Variants in PRKDC observed in about 807,000 individuals in gnomAD.
The protein encoded by PRKDC is protein kinase, DNA-activated, catalytic subunit, also known as DNA-dependent protein kinase catalytic subunit.
PRKDC carries 82 observed loss-of-function variants against 486.9 expected under a neutral mutation model. The ratio of observed to expected loss-of-function variants is 0.17; its 90% CI spans 0.14 to 0.20. The LOEUF is 0.20. Ranked by LOEUF, PRKDC falls within the 10% of genes least tolerant of loss-of-function variation. The pLI, the probability that PRKDC is intolerant of heterozygous loss-of-function variation, is 1.00. For missense variants in PRKDC, 4,504 were observed against 5,038.2 expected (o/e 0.89, Z 3.21); for synonymous variants, 1,895 against 1,837.0 (o/e 1.03, Z -0.81).
At chr8:47,898,670 G>A (rs1432350458) in intron 28 of PRKDC, 101 bp from the exon 29 acceptor site, 19 of 677,126 alleles carry the variant, frequency 2.8e-5, no homozygotes, top group Non-Finnish European at 3.5e-5. Context: ...TAACTGAAAA[G>A]GTAATTTTAC....
rs1240315959 is a variant in PRKDC, at chr8:47,862,368, C to T, written c.5919+5G>A. 3.7e-6 allele frequency: 6 copies of T among 1,612,770 alleles called. No homozygotes were observed. The highest frequency in any genetic ancestry group is 4.2e-6 in the Non-Finnish European group (5 of 1,178,874). ...ACAATAGTGCACACCGTAGGAGTGG[C>T]CTACCTTTTCTGGTTTTTCACTAAA... On this transcript the variant is annotated splice_donor_5th_base_variant and intron_variant, in intron 43 of 85. Transcript: ENST00000314191.
chr8:47,881,873 G>A (rs1293742351), intron 37 of PRKDC, 39 bp downstream of exon 37: 4 of 1,529,822 alleles, frequency 2.6e-6, no homozygotes, highest in African/African-American at 2.7e-5. Flanking sequence ...ACAGAGTTCA[G>A]AAGAATAAAC....
intron 68 of PRKDC, among the ~76,000 whole-genome samples, chr8:47,812,740 C>G (rs546855527): frequency 6.6e-6 from 1 of 152,000 alleles, no homozygotes; most frequent in Admixed American, 6.5e-5. Context: ...AAAGACGATA[C>G]TAGAAATCAA....
intron 45 of PRKDC, among the ~76,000 whole-genome samples, chr8:47,860,612 C>T (rs184958770): frequency 5.1e-4 from 78 of 152,314 alleles, no homozygotes; most frequent in Non-Finnish European, 2.2e-4. Flanking sequence ...AACAATAAGA[C>T]ACCAAGCTAA....
At chr8:47,893,473 G>A in intron 30 of PRKDC, 86 bp from the exon 31 acceptor site, 1 of 1,310,644 alleles carries the variant, frequency 7.6e-7, no homozygotes, top group Non-Finnish European at 1.0e-6. Context: ...AAAATGTTAT[G>A]GGACAATCTT....
chr8:47,844,669 T>C (rs1441523547), intron 54 of PRKDC, among the ~76,000 whole-genome samples: 1 of 151,458 alleles, frequency 6.6e-6, no homozygotes, highest in East Asian at 1.9e-4. Context: ...TAAAAAAAAA[T>C]TCAAAATCAT....
chr8:47,870,384 C>A (rs576710634), intron 40 of PRKDC, among the ~76,000 whole-genome samples: 55 of 152,290 alleles, frequency 3.6e-4, no homozygotes, highest in Non-Finnish European at 7.2e-4. Flanking sequence ...GTAAAGGAAA[C>A]AAGAGTCTCT....
At position 47,817,434 on chromosome 8, in the gene PRKDC, A is replaced by G; in HGVS notation, c.9557+16T>C. 6.6e-7 allele frequency: 1 copy of G among 1,507,656 alleles called. No homozygotes were observed. Among genetic ancestry groups the G allele is most frequent in the Non-Finnish European group, 9.1e-7 (1 of 1,098,536 alleles). 93.4% of individuals were successfully genotyped at this position (1,507,656 alleles called of 1,614,324 possible). ...AAAAAACAATCCACATTTGACTGAAAGGGACCACGTCTTACCGATTTGTGA... is the reference window on the plus strand; with the variant it reads ...AAAAAACAATCCACATTTGACTGAAGGGGACCACGTCTTACCGATTTGTGA... On this transcript the variant is annotated intron_variant, in intron 68 of 85. Transcript: ENST00000314191.
chr8:47,912,680 T>C, intron 24 of PRKDC, 118 bp from the exon 25 acceptor site: 1 of 874,250 alleles, frequency 1.1e-6, no homozygotes, highest in Non-Finnish European at 1.6e-6. Flanking sequence ...ATAACTATCA[T>C]GTAACCCAAA....
intron 28 of PRKDC, among the ~76,000 whole-genome samples, chr8:47,899,680 C>T (rs757393704): frequency 2.0e-5 from 3 of 152,010 alleles, no homozygotes; most frequent in Non-Finnish European, 4.4e-5. Context: ...AGTCAAGACC[C>T]GTATCAGTGA....
At position 47,828,158 on chromosome 8, in the gene PRKDC, CA is replaced by C. The variant is rs759527181; in HGVS notation, c.8577+9del. 1.4e-5 allele frequency: 23 copies of C among 1,609,056 alleles called. No individual in the cohort carries two copies. In the Admixed American group the frequency reaches 2.5e-4, roughly 18 times the overall value. On this transcript the variant is annotated intron_variant, in intron 62 of 85. Transcript: ENST00000314191. ...CAATGTATATTTGATGAAGTGTGTG[CA>C]GACTTTACCTGAATACAAGAGACAA... is the stretch of plus-strand genomic sequence containing the variant.
rs1020753806 is a variant in PRKDC at position 47,935,906 on chromosome 8, G to A, written c.1279-6C>T. On this transcript the variant is annotated splice_polypyrimidine_tract_variant and splice_region_variant and intron_variant, in intron 12 of 85. Coordinates refer to ENST00000314191, the MANE Select transcript of PRKDC (RefSeq NM_006904.7). ...GGAGTATACACCTCAGGAACCTACC[G>A]GAAATAATCAGCAAACCGTGAGTTA... 21 of 1,606,640 alleles carry A rather than the reference G, an allele frequency of 1.3e-5. No homozygotes were observed. The highest frequency in any genetic ancestry group is 1.1e-4 in the East Asian group (5 of 44,742).
Position 47,862,098 on chromosome 8 carries a change from G to T in PRKDC, c.5949C>A (p.Asp1983Glu). Reference sequence around the variant, plus strand: ...CAGGAAAATTATAGCGGCGCTTCAGGTCGATCAGATTTTCAAAAATAAGCA... The same window carrying T: ...CAGGAAAATTATAGCGGCGCTTCAGTTCGATCAGATTTTCAAAAATAAGCA... ...KNLLIFENLIDLKRRYNFPVE... is the reference protein window; with the variant it reads ...KNLLIFENLIELKRRYNFPVE... Residue 1983 changes from aspartate to glutamate, a missense_variant, in exon 44 of 86, where the codon GAC (aspartate) becomes GAA (glutamate). By Grantham distance (45) the Asp-to-Glu change is conservative. Transcript: ENST00000314191. The T allele has an allele frequency of 6.4e-7, 1 of 1,552,608 alleles. No individual in the cohort carries two copies. Among genetic ancestry groups the T allele is most frequent in the Non-Finnish European group, 8.7e-7 (1 of 1,146,502 alleles).
intron 30 of PRKDC, among the ~76,000 whole-genome samples, chr8:47,895,070 C>T (rs2089548271): frequency 6.6e-6 from 1 of 152,074 alleles, no homozygotes; most frequent in East Asian, 1.9e-4. Flanking sequence ...GAGTGAGACC[C>T]TGTCTCTTAA....
chr8:47,806,422 T>C (rs984177511), intron 69 of PRKDC, among the ~76,000 whole-genome samples: 4 of 152,186 alleles, frequency 2.6e-5, no homozygotes, highest in South Asian at 4.1e-4. Context: ...TTTCTGTTAT[T>C]TGCAATATAA....
At chr8:47,859,197 G>A (rs753473896) in intron 46 of PRKDC, among the ~76,000 whole-genome samples, 1 of 152,138 alleles carries the variant, frequency 6.6e-6, no homozygotes, top group African/African-American at 2.4e-5. Flanking sequence ...CATAGTCCCC[G>A]TCCCGTCTGC....
chr8:47,916,804 T>C (rs1404949431), intron 22 of PRKDC, among the ~76,000 whole-genome samples: 1 of 152,184 alleles, frequency 6.6e-6, no homozygotes, highest in Admixed American at 6.5e-5. Flanking sequence ...TTTTTAAAAA[T>C]CTGTGCTCAG....
intron 12 of PRKDC, 99 bp downstream of exon 12, chr8:47,936,254 C>T: frequency 7.6e-7 from 1 of 1,322,716 alleles, no homozygotes; most frequent in Non-Finnish European, 1.0e-6. Flanking sequence ...CATGTTGTTC[C>T]CAACAGTGCC....
chr8:47,954,483 G>A, intron 4 of PRKDC, 37 bp from the exon 5 acceptor site: 1 of 812,188 alleles, frequency 1.2e-6, no homozygotes, highest in Non-Finnish European at 1.8e-6. Context: ...ATGTAGTGCG[G>A]GAATCAAGAA....
Sources: gnomAD v4.1 joint callset for allele counts (sites outside exome capture counted in the v4.1 genomes callset) on GRCh38, gnomAD v4.1.1 for gene constraint, MANE v1.5 for transcripts, NCBI Gene and HGNC (gene_info 2026-07-23, HGNC 2026-07-21) for gene names.